The following ADGRL3 variants were observed in gnomAD, a reference collection of about 807,000 sequenced individuals.
The protein encoded by ADGRL3 is adhesion G protein-coupled receptor L3.
In ADGRL3, 62 loss-of-function variants were observed where a neutral mutation model predicts 153.5. The ratio of observed to expected loss-of-function variants is 0.40; its 90% CI spans 0.33 to 0.50. The LOEUF is 0.50. Among genes scored for constraint, ADGRL3 ranks in the 20% least tolerant of loss-of-function variants. The pLI, the probability that ADGRL3 is intolerant of heterozygous loss-of-function variation, is 0.47. For missense variants in ADGRL3, 1,641 were observed against 1,859.4 expected (o/e 0.88, Z 2.16); for synonymous variants, 710 against 672.5 (o/e 1.06, Z -0.86).
At chr4:61,907,348 T>G (rs1478988615) in intron 11 of ADGRL3, among the ~76,000 whole-genome samples, 1 of 152,076 alleles carries the variant, frequency 6.6e-6, no homozygotes, top group African/African-American at 2.4e-5. Context: ...AACCTCCACC[T>G]CCTGGGTTCA....
At chr4:61,992,005 T>C (rs2099105451) in intron 19 of ADGRL3, among the ~76,000 whole-genome samples, 1 of 150,562 alleles carries the variant, frequency 6.6e-6, no homozygotes, top group Non-Finnish European at 1.5e-5. Context: ...AAGTCTCTTA[T>C]GTCTTTTGTT....
In ADGRL3 at chr4:61,642,113, T is replaced by C. The variant is rs867913046; in HGVS notation, c.474-34713T>C. Among the ~76,000 whole-genome samples the C allele has an allele frequency of 1.2e-3, 175 of 148,190 alleles. No individual in the cohort carries two copies. In the Middle Eastern group the frequency reaches 0.017, roughly 15 times the overall value. On this transcript the variant is annotated intron_variant, in intron 5 of 26. Transcript: ENST00000683033. ...TTGAGAAGTGTCTGTTCATGTCCTT[T>C]GCCCACTTTTTGATGGGGTTGTTTG...
At chr4:61,789,990 C>G (rs1008838083) in intron 8 of ADGRL3, among the ~76,000 whole-genome samples, 1 of 152,100 alleles carries the variant, frequency 6.6e-6, no homozygotes, top group African/African-American at 2.4e-5. Flanking sequence ...AATATTCTAC[C>G]TAAATGAGAG....
chr4:61,845,359 T>C (rs957195960), intron 9 of ADGRL3, among the ~76,000 whole-genome samples: 1 of 151,946 alleles, frequency 6.6e-6, no homozygotes. Flanking sequence ...TTTGTAATTT[T>C]TATTTTTTGA....
At chr4:61,322,405 A>C (rs547386205) in intron 1 of ADGRL3, among the ~76,000 whole-genome samples, 12 of 152,314 alleles carry the variant, frequency 7.9e-5, no homozygotes, top group African/African-American at 2.6e-4. Flanking sequence ...GAGTCACCTA[A>C]AGTCTCAACT....
At chr4:62,036,367 G>A (rs28540438) in intron 23 of ADGRL3, among the ~76,000 whole-genome samples, 6 of 151,912 alleles carry the variant, frequency 3.9e-5, no homozygotes, top group South Asian at 2.1e-4. Flanking sequence ...CCAAGAAGCC[G>A]TTCTTGGCCT....
chr4:61,717,841 C>T (rs1198911280), intron 6 of ADGRL3, among the ~76,000 whole-genome samples: 1 of 151,950 alleles, frequency 6.6e-6, no homozygotes, highest in Non-Finnish European at 1.5e-5. Context: ...CGAGATCAGC[C>T]TGGCCAACGT....
chr4:61,392,696 A>AAAAAAAAAAAAAAAAAAAAAAAC (rs1385104051), intron 2 of ADGRL3, among the ~76,000 whole-genome samples: 1 of 145,886 alleles, frequency 6.9e-6, no homozygotes, highest in Non-Finnish European at 1.5e-5. Context: ...AAAAAAAAAA[A>AAAAAAAAAAAAAAAAAAAAAAAC]AAAAAAAAAA....
At chr4:61,269,548 A>AT (rs1456265327) in intron 1 of ADGRL3, among the ~76,000 whole-genome samples, 8 of 151,606 alleles carry the variant, frequency 5.3e-5, no homozygotes, top group African/African-American at 1.7e-4. Context: ...CTGATTTGTG[A>AT]TTTTTTTGGA....
chr4:61,368,137 C>G (rs34497473), intron 1 of ADGRL3, among the ~76,000 whole-genome samples: 134,793 of 151,206 alleles, frequency 0.89, 60,336 homozygotes, highest in Middle Eastern at 0.95. Flanking sequence ...CTGGATATTA[C>G]CCCTTTGTCA....
intron 17 of ADGRL3, among the ~76,000 whole-genome samples, chr4:61,958,301 A>C (rs1219293671): frequency 6.6e-6 from 1 of 152,116 alleles, no homozygotes; most frequent in Non-Finnish European, 1.5e-5. Flanking sequence ...TACATATCCA[A>C]AAAGTGTCTT....
chr4:61,847,215 C>G (rs372797500), intron 9 of ADGRL3, among the ~76,000 whole-genome samples: 8 of 151,822 alleles, frequency 5.3e-5, no homozygotes, highest in African/African-American at 1.7e-4. Context: ...CTTTATAAAT[C>G]ATGTGGTTAT....
chr4:61,780,820 C>T (rs1472491134), intron 8 of ADGRL3, among the ~76,000 whole-genome samples: 1 of 152,194 alleles, frequency 6.6e-6, no homozygotes, highest in Non-Finnish European at 1.5e-5. Flanking sequence ...AACCAGAGAT[C>T]TTGCCCATCC....
intron 9 of ADGRL3, among the ~76,000 whole-genome samples, chr4:61,828,419 G>A (rs990630486): frequency 6.6e-6 from 1 of 152,160 alleles, no homozygotes; most frequent in Non-Finnish European, 1.5e-5. Flanking sequence ...AGCGCAGGGT[G>A]CGGGGGATGG....
At chr4:61,982,012 TATG>T (rs1265634928) in intron 18 of ADGRL3, among the ~76,000 whole-genome samples, 1 of 152,186 alleles carries the variant, frequency 6.6e-6, no homozygotes, top group Non-Finnish European at 1.5e-5. Context: ...AGTAAAGCCT[TATG>T]ATAACAAAAA....
At chr4:61,911,322 C>G (rs937800261) in intron 12 of ADGRL3, among the ~76,000 whole-genome samples, 4 of 152,128 alleles carry the variant, frequency 2.6e-5, no homozygotes, top group Admixed American at 1.3e-4. Flanking sequence ...ATCAGCTTGC[C>G]TACTCTGAAT....
chr4:61,217,896 G>C (rs905805929), intron 1 of ADGRL3, among the ~76,000 whole-genome samples: 1 of 152,156 alleles, frequency 6.6e-6, no homozygotes, highest in Admixed American at 6.5e-5. Flanking sequence ...CTAAAGACAA[G>C]GCTGTGGTTA....
chr4:61,438,758 A>T (rs2097487622), intron 2 of ADGRL3, among the ~76,000 whole-genome samples: 1 of 146,034 alleles, frequency 6.8e-6, no homozygotes, highest in Non-Finnish European at 1.5e-5. Flanking sequence ...CCCAGGCTGG[A>T]GTGCAGTGGT....
chr4:61,935,077 G>A, intron 14 of ADGRL3, 54 bp downstream of exon 14: 41 of 1,491,012 alleles, frequency 2.7e-5, no homozygotes, highest in Admixed American at 2.6e-4. Context: ...ATCAGAAGAG[G>A]GAAAAGAAAA....
Sources: allele counts gnomAD v4.1 joint callset (sites outside exome capture counted in the v4.1 genomes callset), GRCh38; gene constraint gnomAD v4.1.1; transcripts MANE v1.5; gene names NCBI Gene and HGNC (gene_info 2026-07-23, HGNC 2026-07-21).